Variants in CADM2 observed in about 807,000 individuals in gnomAD.
CADM2 encodes the protein immunoglobulin superfamily member 4D.
CADM2 carries 12 observed loss-of-function variants against 49.8 expected under a neutral mutation model. The ratio of observed to expected loss-of-function variants is 0.24; its 90% CI spans 0.15 to 0.39. The LOEUF (loss-of-function observed/expected upper bound fraction) is 0.39, where lower values mean the gene tolerates loss of function less well. Among genes scored for constraint, CADM2 ranks in the 10% least tolerant of loss-of-function variants. CADM2 has a pLI of 1.00. For synonymous variants in CADM2, 214 were observed against 175.4 expected (o/e 1.22, Z -1.74); for missense variants, 378 against 492.3 (o/e 0.77, Z 2.20).
At chr3:85,374,142 A>T (rs1273687526) in intron 1 of CADM2, among the ~76,000 whole-genome samples, 1 of 152,106 alleles carries the variant, frequency 6.6e-6, no homozygotes, top group Non-Finnish European at 1.5e-5. Flanking sequence ...TTCCCTTTTA[A>T]ACATAAGTTC....
chr3:85,447,693 A>G (rs1380538609), intron 1 of CADM2, among the ~76,000 whole-genome samples: 1 of 152,214 alleles, frequency 6.6e-6, no homozygotes, highest in Non-Finnish European at 1.5e-5. Context: ...TAGGCAAATG[A>G]CATTCAGCCA....
chr3:85,086,141 G>GA lies in CADM2; in HGVS notation c.61+126480dup, dbSNP rs543402452. ...AAAATACCAACACATTACTAAATAG[G>GA]AAAAAAATATTAAGATGTGATACTA... On this transcript the variant is annotated intron_variant, in intron 1 of 9. Transcript: ENST00000383699. 6.1e-3 allele frequency among the ~76,000 whole-genome samples: 926 copies of GA among 151,808 alleles called. 2 individuals carry two copies. The highest frequency in any genetic ancestry group is 0.019 in the South Asian group (91 of 4,794).
chr3:85,697,110 A>C (rs915150345), intron 1 of CADM2, among the ~76,000 whole-genome samples: 1 of 134,822 alleles, frequency 7.4e-6, no homozygotes, highest in Non-Finnish European at 1.8e-5. Context: ...ATATATATAT[A>C]TGGCATATAT....
chr3:85,618,397 T>A (rs2063861760), intron 1 of CADM2, among the ~76,000 whole-genome samples: 1 of 152,012 alleles, frequency 6.6e-6, no homozygotes, highest in South Asian at 2.1e-4. Flanking sequence ...TAGCTAAGAG[T>A]CATTAAAGTA....
At chr3:85,060,181 A>C (rs2036251219) in intron 1 of CADM2, among the ~76,000 whole-genome samples, 1 of 151,978 alleles carries the variant, frequency 6.6e-6, no homozygotes. Flanking sequence ...CCCAGGCTGG[A>C]GTGCAATGGC....
At chr3:85,520,832 A>G (rs536372240) in intron 1 of CADM2, among the ~76,000 whole-genome samples, 5 of 152,190 alleles carry the variant, frequency 3.3e-5, no homozygotes, top group East Asian at 1.9e-4. Context: ...ATTCCAAATT[A>G]TTGCAGATTA....
intron 1 of CADM2, among the ~76,000 whole-genome samples, chr3:85,313,401 T>C (rs1232683566): frequency 2.6e-5 from 4 of 152,232 alleles, no homozygotes; most frequent in Admixed American, 2.0e-4. Flanking sequence ...TCACCACCAG[T>C]AGATATTTCC....
chr3:85,174,446 T>C (rs371117279), intron 1 of CADM2, among the ~76,000 whole-genome samples: 4 of 151,796 alleles, frequency 2.6e-5, no homozygotes, highest in African/African-American at 9.6e-5. Flanking sequence ...GTGAGGTGAC[T>C]TTTCCTTACC....
chr3:85,966,092 G>T (rs1036939275), intron 8 of CADM2, among the ~76,000 whole-genome samples: 15 of 151,626 alleles, frequency 9.9e-5, no homozygotes, highest in African/African-American at 3.1e-4. Context: ...AAATACAAAT[G>T]GGAAATGGAC....
In CADM2 at chr3:85,295,849, A is replaced by G. The variant is rs145871545; in HGVS notation, c.61+336181A>G. On this transcript the variant is annotated intron_variant, in intron 1 of 9. Transcript: ENST00000383699. Reference sequence around the variant, plus strand: ...GCTAGATGACGAGTTAGTGGGTGCAACACACCAGCATGGCACATGTATACA... The same window carrying G: ...GCTAGATGACGAGTTAGTGGGTGCAGCACACCAGCATGGCACATGTATACA... Among the ~76,000 whole-genome samples the G allele has an allele frequency of 3.1e-3, 476 of 151,964 alleles. 27 individuals carry two copies. In the East Asian group the frequency reaches 0.074, roughly 24 times the overall value.
At chr3:85,139,880 C>T (rs1409075820) in intron 1 of CADM2, among the ~76,000 whole-genome samples, 1 of 151,988 alleles carries the variant, frequency 6.6e-6, no homozygotes, top group Non-Finnish European at 1.5e-5. Context: ...TATGAGAAGG[C>T]AGAAGCATCT....
chr3:84,998,563 T>G (rs2033294058), intron 1 of CADM2, among the ~76,000 whole-genome samples: 1 of 152,132 alleles, frequency 6.6e-6, no homozygotes, highest in Admixed American at 6.6e-5. Context: ...TTTAATGTTG[T>G]TTATAATTGA....
At chr3:85,256,013 G>T (rs983421999) in intron 1 of CADM2, among the ~76,000 whole-genome samples, 1 of 151,952 alleles carries the variant, frequency 6.6e-6, no homozygotes, top group Non-Finnish European at 1.5e-5. Flanking sequence ...ACTGTACTGA[G>T]AATCAATACG....
At chr3:85,838,365 A>G (rs2074492844) in intron 3 of CADM2, among the ~76,000 whole-genome samples, 2 of 152,000 alleles carry the variant, frequency 1.3e-5, no homozygotes, top group Admixed American at 1.3e-4. Flanking sequence ...GCAGTAGCAG[A>G]GCATTAATCA....
At chr3:85,346,908 C>T (rs1040898120) in intron 1 of CADM2, among the ~76,000 whole-genome samples, 8 of 151,818 alleles carry the variant, frequency 5.3e-5, no homozygotes, top group Admixed American at 2.0e-4. Flanking sequence ...CAAATAAAAA[C>T]GTGAAAAAAA....
At chr3:85,557,172 GATAA>G (rs2061980757) in intron 1 of CADM2, among the ~76,000 whole-genome samples, 1 of 151,642 alleles carries the variant, frequency 6.6e-6, no homozygotes, top group African/African-American at 2.4e-5. Flanking sequence ...GAGCTGAAGT[GATAA>G]ATAAAAATAA....
chr3:85,605,802 C>G (rs943394928), intron 1 of CADM2, among the ~76,000 whole-genome samples: 3 of 152,082 alleles, frequency 2.0e-5, no homozygotes, highest in African/African-American at 7.2e-5. Flanking sequence ...TTTACACTCT[C>G]CTTAAGTCTT....
intron 1 of CADM2, among the ~76,000 whole-genome samples, chr3:84,961,526 C>A (rs2030514888): frequency 6.6e-6 from 1 of 152,134 alleles, no homozygotes; most frequent in African/African-American, 2.4e-5. Flanking sequence ...GTGTCTGACA[C>A]GTTACTTAGG....
chr3:85,450,457 G>C (rs2037702698), intron 1 of CADM2, among the ~76,000 whole-genome samples: 1 of 151,622 alleles, frequency 6.6e-6, no homozygotes, highest in Non-Finnish European at 1.5e-5. Context: ...TACCATTCAG[G>C]ATATCTACTA....
Sources: allele counts gnomAD v4.1 joint callset (sites outside exome capture counted in the v4.1 genomes callset), GRCh38; gene constraint gnomAD v4.1.1; transcripts MANE v1.5; gene names NCBI Gene and HGNC (gene_info 2026-07-23, HGNC 2026-07-21).